The following PHACTR2 variants were observed in gnomAD, a reference collection of about 807,000 sequenced individuals.
PHACTR2 encodes phosphatase and actin regulator 2, also known as chromosome 6 open reading frame 56.
In PHACTR2, 30 loss-of-function variants were observed where a neutral mutation model predicts 76.0. The ratio of observed to expected loss-of-function variants is 0.39; its 90% CI spans 0.30 to 0.54. The LOEUF is 0.54. Among genes scored for constraint, PHACTR2 ranks in the 20% least tolerant of loss-of-function variants. PHACTR2 has a pLI of 0.61. For missense variants in PHACTR2, 696 were observed against 781.1 expected, an observed-to-expected ratio of 0.89 and a Z score of 1.30; for synonymous variants, 292 against 292.5, an observed-to-expected ratio of 1.00 and a Z score of 0.02.
intron 12 of PHACTR2, among the ~76,000 whole-genome samples, chr6:143,812,339 AAAAAT>A (rs1480698070): frequency 6.6e-6 from 1 of 152,240 alleles, no homozygotes; most frequent in Non-Finnish European, 1.5e-5. Flanking sequence ...ATTTAAAAGA[AAAAAT>A]AAAGAATCCA....
chr6:143,691,949 C>A (rs373022659), intron 1 of PHACTR2, among the ~76,000 whole-genome samples: 1 of 152,122 alleles, frequency 6.6e-6, no homozygotes, highest in Non-Finnish European at 1.5e-5. Context: ...TTTTTATTTT[C>A]GCCTCTGTTT....
At chr6:143,542,424 A>C (rs75599263) in intron 1 of PHACTR2, among the ~76,000 whole-genome samples, 4 of 152,218 alleles carry the variant, frequency 2.6e-5, no homozygotes, top group East Asian at 1.9e-4. Flanking sequence ...TTAAGTCAGG[A>C]GGTCCTTATT....
At position 143,586,128 on chromosome 6, in the gene PHACTR2, C is replaced by T. The variant is rs191722163; in HGVS notation, c.217+48921C>T. 3.6e-3 allele frequency among the ~76,000 whole-genome samples: 544 copies of T among 152,242 alleles called. 3 individuals are homozygous for T. The highest frequency in any genetic ancestry group is 6.2e-3 in the Non-Finnish European group (424 of 68,040). On this transcript the variant is annotated intron_variant, in intron 1 of 11. Coordinates refer to the PHACTR2 transcript ENST00000367584. ...TCCACATCAACTGCATGAAGACAGA[C>T]GATCATCTATTTGCCATCGTGGAAA...
intron 1 of PHACTR2, among the ~76,000 whole-genome samples, chr6:143,629,579 T>C (rs1048220655): frequency 5.3e-5 from 8 of 152,064 alleles, no homozygotes; most frequent in Non-Finnish European, 2.9e-5. Context: ...TGTGAGTAGG[T>C]TGAAGATTTT....
rs187095778 is a variant in PHACTR2, at chr6:143,789,974, A to T, written c.1845+1064A>T. The stretch of plus-strand genomic sequence containing the variant: ...AAGCAGCAGAAGAATATTGAGAAGA[A>T]ATGTCCGTGAAGTGGGGAAAGAGGA... On this transcript the variant is annotated intron_variant, in intron 11 of 12. Transcript: ENST00000440869. The surrounding 1 kb of genome is among the most constrained non-coding windows in gnomAD (Gnocchi z 5.1). Among the ~76,000 whole-genome samples, 8 of 152,300 alleles carry T rather than the reference A, an allele frequency of 5.3e-5. No homozygotes were observed. Among genetic ancestry groups the T allele is most frequent in the East Asian group, 3.9e-4 (2 of 5,182 alleles).
chr6:143,711,966 A>G, intron 1 of PHACTR2, 50 bp from the exon 2 acceptor site: 1 of 1,549,584 alleles, frequency 6.5e-7, no homozygotes. Flanking sequence ...ATGTGGTTTT[A>G]TTACAACCTT....
rs1482902594 is a variant in PHACTR2, at chr6:143,827,178, ATATATATATATATATATATATG to A, written c.*3495_*3516del. On this transcript the variant is annotated 3_prime_UTR_variant, in exon 13 of 13. Coordinates refer to ENST00000440869, the MANE Select transcript of PHACTR2 (RefSeq NM_001100164.2). The stretch of plus-strand genomic sequence containing the variant: ...AAAATATATATATATATATATATAT[ATATATATATATATATATATATG>A]TATATTATATATACAGTAGCTTACA... The A allele has an allele frequency of 4.7e-5, 6 of 128,856 alleles. No individual in the cohort carries two copies. Among genetic ancestry groups the A allele is most frequent in the African/African-American group, 1.8e-4 (6 of 34,278 alleles). 8.0% of individuals were successfully genotyped at this position (128,856 alleles called of 1,614,324 possible). A position where few individuals can be genotyped will look rare whatever the true frequency, so the allele number is the denominator to read the frequency against.
rs1776141062 is a variant in PHACTR2 at position 143,809,877 on chromosome 6, C to T, written c.1922+2744C>T. Among the ~76,000 whole-genome samples, 1 of 152,024 alleles carries T rather than the reference C, an allele frequency of 6.6e-6. No homozygotes were observed. The highest frequency in any genetic ancestry group is 2.4e-5 in the African/African-American group (1 of 41,392). On this transcript the variant is annotated intron_variant, in intron 12 of 12. Transcript: ENST00000440869. The surrounding 1 kb of genome is among the most constrained non-coding windows in gnomAD (Gnocchi z 4.2). ...CTGTAATCCCGGCACTTGGGGAGGC[C>T]GAGGTGGGCAGATCTTTTGAGCTCA...
chr6:143,646,660 C>T lies in PHACTR2; in HGVS notation c.13+38338C>T, dbSNP rs971935931. ...ACTTTTCTTGAAATGTCAAGAAGGG[C>T]AGGTGTACTCTGACCTCAGCTTTAA... On this transcript the variant is annotated intron_variant, in intron 1 of 11. Coordinates refer to the PHACTR2 transcript ENST00000305766. The surrounding 1 kb of genome is among the most constrained non-coding windows in gnomAD (Gnocchi z 4.1). Among the ~76,000 whole-genome samples the T allele has an allele frequency of 2.0e-5, 3 of 152,088 alleles. No individual in the cohort carries two copies. The highest frequency in any genetic ancestry group is 4.4e-5 in the Non-Finnish European group (3 of 67,998).
rs572403025 is a variant in PHACTR2, at chr6:143,725,354, C to T, written c.214+13171C>T. 6.0e-5 allele frequency among the ~76,000 whole-genome samples: 9 copies of T among 150,978 alleles called. No homozygotes were observed. The East Asian group carries it at 1.6e-3, about 27-fold the overall frequency. On this transcript the variant is annotated intron_variant, in intron 2 of 12. Transcript: ENST00000440869. ...TAGCTGGGACTACAGGCGCCCGCCA[C>T]CATACCCGGCTAATTTTTTGTATTT...
rs1562300703 is a variant in PHACTR2 at position 143,771,168 on chromosome 6, ATATATGTATATATATATATATGTGTG to A, written c.1233-1084_1233-1059del. Among the ~76,000 whole-genome samples, 119 of 28,022 alleles carry A rather than the reference ATATATGTATATATATATATATGTGTG, an allele frequency of 4.2e-3. 3 individuals are homozygous for A. The highest frequency in any genetic ancestry group is 0.022 in the African/African-American group (114 of 5,300). 18.4% of individuals were successfully genotyped at this position (28,022 alleles called of 152,430 possible). The stretch of plus-strand genomic sequence containing the variant: ...TGTATATATATATATGTATATATAT[ATATATGTATATATATATATATGTGTG>A]TATATATATATATATATATATATAT... On this transcript the variant is annotated intron_variant, in intron 6 of 12. Coordinates refer to ENST00000440869, the MANE Select transcript of PHACTR2 (RefSeq NM_001100164.2).
At chr6:143,694,360 C>T (rs1057041442) in intron 1 of PHACTR2, among the ~76,000 whole-genome samples, 4 of 152,170 alleles carry the variant, frequency 2.6e-5, no homozygotes, top group African/African-American at 9.7e-5. Context: ...GTGATTGGAG[C>T]ACCAAATTGA....
At position 143,678,562 on chromosome 6, in the gene PHACTR2, G is replaced by A. The variant is rs1777310222; in HGVS notation, c.46+353G>A. On this transcript the variant is annotated intron_variant, in intron 1 of 12. Coordinates refer to ENST00000440869, the MANE Select transcript of PHACTR2 (RefSeq NM_001100164.2). This position sits in a 1 kb window ranked among gnomAD's most constrained non-coding sequence, Gnocchi z 6.2. ...AGAGAGCAAGAGAAACATGCCAACA[G>A]GTTTTTCTGTATTTACGCTTGGCTT... Among the ~76,000 whole-genome samples, 1 of 152,212 alleles carries A rather than the reference G, an allele frequency of 6.6e-6. No individual in the cohort carries two copies. The highest frequency in any genetic ancestry group is 2.1e-4 in the South Asian group (1 of 4,830).
rs992261620 is a variant in PHACTR2 at position 143,611,579 on chromosome 6, T to C, written c.13+3257T>C. 6.6e-6 allele frequency among the ~76,000 whole-genome samples: 1 copy of C among 152,196 alleles called. No individual in the cohort carries two copies. Among genetic ancestry groups the C allele is most frequent in the Non-Finnish European group, 1.5e-5 (1 of 68,032 alleles). On this transcript the variant is annotated intron_variant, in intron 1 of 11. Coordinates refer to the PHACTR2 transcript ENST00000305766. This position sits in a 1 kb window ranked among gnomAD's most constrained non-coding sequence, Gnocchi z 4.4. ...GGTGACAATAATGGTACCCATCTCA[T>C]AGGATTGCTATGAGGAGAAAATAAG...
intron 12 of PHACTR2, among the ~76,000 whole-genome samples, chr6:143,813,855 C>T (rs1161228297): frequency 3.3e-5 from 5 of 152,058 alleles, no homozygotes; most frequent in African/African-American, 4.8e-5. Flanking sequence ...CTTGAACAAC[C>T]TGGGTGTTAG....
rs1242537951 is a variant in PHACTR2, at chr6:143,617,584, G to A, written c.13+9262G>A. 6.6e-6 allele frequency among the ~76,000 whole-genome samples: 1 copy of A among 152,184 alleles called. No individual in the cohort carries two copies. Among genetic ancestry groups the A allele is most frequent in the Non-Finnish European group, 1.5e-5 (1 of 68,038 alleles). Reference sequence around the variant, plus strand: ...ATGAGCCATGAGGGTGACAACCACTGTTAGAGTCCTCTCTCTTTCTCTCTT... The same window carrying A: ...ATGAGCCATGAGGGTGACAACCACTATTAGAGTCCTCTCTCTTTCTCTCTT... On this transcript the variant is annotated intron_variant, in intron 1 of 11. Transcript: ENST00000305766. The surrounding 1 kb of genome is among the most constrained non-coding windows in gnomAD (Gnocchi z 4.8).
Position 143,750,540 on chromosome 6 carries a change from T to G in PHACTR2, c.295+1475T>G. On this transcript the variant is annotated intron_variant, in intron 3 of 12. Coordinates refer to ENST00000440869, the MANE Select transcript of PHACTR2 (RefSeq NM_001100164.2). This position sits in a 1 kb window ranked among gnomAD's most constrained non-coding sequence, Gnocchi z 4.6. ...AGAAAGTACAAAATGGAAAATTTTA[T>G]GATTGAAACTGTTAATGGGTTTAAA... 6.6e-6 allele frequency among the ~76,000 whole-genome samples: 1 copy of G among 152,366 alleles called. No individual in the cohort carries two copies. The highest frequency in any genetic ancestry group is 3.4e-3 in the Middle Eastern group (1 of 294).
rs1405344617 is a variant in PHACTR2 at position 143,764,229 on chromosome 6, C to A, written c.695-1032C>A. ...CATTCACATTATTTAGAACCAGACA[C>A]GGTGGCTCACACCTGTAATTCTTTG... On this transcript the variant is annotated intron_variant, in intron 5 of 12. Coordinates refer to ENST00000440869, the MANE Select transcript of PHACTR2 (RefSeq NM_001100164.2). The surrounding 1 kb of genome is among the most constrained non-coding windows in gnomAD (Gnocchi z 4.7). 6.6e-6 allele frequency among the ~76,000 whole-genome samples: 1 copy of A among 152,118 alleles called. No individual in the cohort carries two copies. The highest frequency in any genetic ancestry group is 2.4e-5 in the African/African-American group (1 of 41,430).
chr6:143,788,652 T>G, intron 10 of PHACTR2, 121 bp from the exon 11 acceptor site: 1 of 609,362 alleles, frequency 1.6e-6, no homozygotes, highest in Non-Finnish European at 2.6e-6. Context: ...CTTTTTTTTT[T>G]TTTTTGATCT....
Sources: allele counts gnomAD v4.1 joint callset (sites outside exome capture counted in the v4.1 genomes callset), GRCh38; gene constraint gnomAD v4.1.1; non-coding constraint Gnocchi (gnomAD v3.1); transcripts MANE v1.5; gene names NCBI Gene and HGNC (gene_info 2026-07-23, HGNC 2026-07-21).